Variants in ATP7A observed in about 807,000 individuals in gnomAD.
ATP7A encodes copper-transporting ATPase 1.
ATP7A carries 7 observed loss-of-function variants against 83.5 expected under a neutral mutation model. The observed-to-expected ratio is 0.08, with a 90% CI of 0.05 to 0.16. The LOEUF (loss-of-function observed/expected upper bound fraction) is 0.16. Ranked by LOEUF, ATP7A falls within the 10% of genes least tolerant of loss-of-function variation. ATP7A has a pLI of 1.00. For missense variants in ATP7A, 940 were observed against 1,120.8 expected (o/e 0.84, Z 2.30); for synonymous variants, 354 against 395.2 (o/e 0.90, Z 1.24).
Position 78,020,277 on chromosome X carries a change from G to A in ATP7A, c.2660G>A (p.Ser887Asn). 1 of 1,211,788 alleles carries A rather than the reference G, an allele frequency of 8.3e-7. No homozygotes were observed. Residue 887 changes from serine to asparagine, a missense_variant, in exon 13 of 23, where the codon AGC becomes AAC. Physicochemically the swap from Ser to Asn is conservative, Grantham distance 46 (BLOSUM62 1). This residue lies in a region of ATP7A where 386 missense variants were observed against 502.2 expected (regional missense o/e 0.77). Transcript: ENST00000341514. ...EAMPVAKKPG[S>N]TVIAGSINQN... is the part of the protein sequence containing the mutation. ...ATGCCTGTGGCTAAGAAACCTGGCA[G>A]CACAGTGATTGCTGGTTCCATTAAC...
intron 11 of ATP7A, 78 bp downstream of exon 11, chrX:78,014,831 A>G: frequency 2.7e-6 from 2 of 747,289 alleles, no homozygotes; most frequent in Non-Finnish European, 4.1e-6. Context: ...AAGTAGAAAA[A>G]GGACTATCAT....
intron 5 of ATP7A, among the ~76,000 whole-genome samples, chrX:78,002,029 C>A (rs782324460): frequency 4.6e-5 from 5 of 109,494 alleles, no homozygotes; most frequent in Non-Finnish European, 7.6e-5. Context: ...TTATTGGATT[C>A]TTTGCTACAA....
Position 77,989,500 on chromosome X carries a change from C to A in ATP7A, c.878C>A (p.Ser293Ter). Residue 293 changes from serine to a stop codon, truncating the protein, a stop_gained, in exon 4 of 23, where the codon TCA becomes TAA. Coordinates refer to ENST00000341514, the MANE Select transcript of ATP7A (RefSeq NM_000052.7). LOFTEE classifies it high-confidence loss of function. The part of the protein sequence containing the change: ...IDGMHCKSCV[S>*]NIESTLSALQ... ...GGCATGCATTGTAAATCATGTGTGTCAAATATTGAAAGTACTTTATCTGCA... is the reference window on the plus strand; with the variant it reads ...GGCATGCATTGTAAATCATGTGTGTAAAATATTGAAAGTACTTTATCTGCA... 1 of 1,211,410 alleles carries A rather than the reference C, an allele frequency of 8.3e-7. No individual in the cohort carries two copies. The highest frequency in any genetic ancestry group is 1.8e-5 in the South Asian group (1 of 56,980).
At chrX:78,036,133 T>C (rs1187373452) in intron 17 of ATP7A, among the ~76,000 whole-genome samples, 3 of 111,706 alleles carry the variant, frequency 2.7e-5, no homozygotes, top group Non-Finnish European at 5.6e-5. Context: ...TCTTATTTCA[T>C]GGAGCTTACA....
At chrX:77,964,605 TC>T (rs1557228469) in intron 1 of ATP7A, 1 of 109,190 alleles carries the variant, frequency 9.2e-6, no homozygotes, top group Non-Finnish European at 1.9e-5. Context: ...GTGTGATGCT[TC>T]CCTCCTTATG....
intron 4 of ATP7A, among the ~76,000 whole-genome samples, chrX:77,996,201 T>C (rs868946021): frequency 1.1e-4 from 12 of 111,803 alleles, no homozygotes; most frequent in South Asian, 3.6e-4. Context: ...TATATATATA[T>C]ACACACACAC....
chrX:77,931,410 C>T (rs1557224209), intron 1 of ATP7A, among the ~76,000 whole-genome samples: 3 of 112,094 alleles, frequency 2.7e-5, no homozygotes, highest in Non-Finnish European at 3.8e-5. Context: ...CCCATGTCTA[C>T]TTCTTTCTAC....
At chrX:77,984,592 G>T (rs1557231195) in intron 2 of ATP7A, among the ~76,000 whole-genome samples, 2 of 110,805 alleles carry the variant, frequency 1.8e-5, no homozygotes, top group African/African-American at 3.3e-5. Context: ...GCCTCAAACT[G>T]TGACCTCAAG....
rs2149107157 is a variant in ATP7A at position 78,033,636 on chromosome X, T to C, written c.3326T>C (p.Ile1109Thr). 2 of 1,211,866 alleles carry C rather than the reference T, an allele frequency of 1.7e-6. No individual in the cohort carries two copies. The highest frequency in any genetic ancestry group is 1.1e-6 in the Non-Finnish European group (1 of 895,444). The change falls in exon 17 of 23, where the codon ATA becomes ACA. Residue 1109 changes from isoleucine (I) to threonine (T), a missense_variant. Physicochemically the swap from Ile to Thr is moderately conservative, Grantham distance 89. Coordinates refer to ENST00000341514, the MANE Select transcript of ATP7A (RefSeq NM_000052.7). ...ELDTETLGTC[I>T]DFQVVPGCGI... The stretch of plus-strand genomic sequence containing the variant: ...GACACTGAAACCTTGGGTACCTGCA[T>C]AGATTTCCAGGTTGTGCCAGGCTGT...
At chrX:78,023,071 A>C (rs1321099219) in intron 14 of ATP7A, among the ~76,000 whole-genome samples, 1 of 111,573 alleles carries the variant, frequency 9.0e-6, no homozygotes, top group African/African-American at 3.3e-5. Flanking sequence ...ACGTTAACTC[A>C]CTTAGGATAA....
Position 78,009,106 on chromosome X carries a change from G to A in ATP7A, c.1712G>A (p.Arg571Lys). The A allele has an allele frequency of 8.3e-7, 1 of 1,210,198 alleles. No homozygotes were observed. The highest frequency in any genetic ancestry group is 1.1e-6 in the Non-Finnish European group (1 of 894,516). Residue 571 changes from arginine to lysine, a missense_variant, in exon 7 of 23, where the codon AGG (arginine) becomes AAG (lysine). Arg to Lys is a conservative substitution (Grantham distance 26, BLOSUM62 2). This residue lies in a region of ATP7A where 350 missense variants were observed against 432.8 expected (regional missense o/e 0.81). Coordinates refer to ENST00000341514, the MANE Select transcript of ATP7A (RefSeq NM_000052.7). ...CAAATGCTTTGTCTTTAACAGGTGA[G>A]GGGAATGACGTGTGCCTCCTGCGTA... ...EGDGVLELVV[R>K]GMTCASCVHK...
At chrX:77,958,788 T>G (rs1342531690) in intron 1 of ATP7A, among the ~76,000 whole-genome samples, 1 of 96,992 alleles carries the variant, frequency 1.0e-5, no homozygotes, top group African/African-American at 3.8e-5. Context: ...TTTTATAGTT[T>G]TTTTTTTTTT....
chrX:77,947,906 A>T (rs781850549), intron 1 of ATP7A, among the ~76,000 whole-genome samples: 2 of 103,980 alleles, frequency 1.9e-5, no homozygotes, highest in Non-Finnish European at 3.9e-5. Flanking sequence ...CACCCAGCTA[A>T]TTTTTTGTAT....
intron 2 of ATP7A, among the ~76,000 whole-genome samples, chrX:77,986,768 C>T (rs1417695037): frequency 9.0e-6 from 1 of 111,701 alleles, no homozygotes; most frequent in Non-Finnish European, 1.9e-5. Flanking sequence ...ACTACTTTTG[C>T]AATTGCAGTA....
chrX:78,027,475 A>G (rs1225351877), intron 14 of ATP7A, among the ~76,000 whole-genome samples: 1 of 111,872 alleles, frequency 8.9e-6, no homozygotes, highest in African/African-American at 3.2e-5. Flanking sequence ...ATGGAAAAAC[A>G]TTCCATGCCC....
intron 5 of ATP7A, among the ~76,000 whole-genome samples, chrX:77,999,088 C>T (rs908913658): frequency 1.5e-4 from 16 of 108,494 alleles, no homozygotes; most frequent in Non-Finnish European, 2.5e-4. Context: ...CCTCTGCCTC[C>T]TGGGTTCAAG....
chrX:78,019,880 C>G (rs2077893643), intron 12 of ATP7A, among the ~76,000 whole-genome samples: 1 of 111,163 alleles, frequency 9.0e-6, no homozygotes, highest in East Asian at 2.8e-4. Flanking sequence ...CTGGCACTGG[C>G]ACACTAAATC....
At chrX:77,936,144 C>G (rs1466857440) in intron 1 of ATP7A, among the ~76,000 whole-genome samples, 2 of 111,954 alleles carry the variant, frequency 1.8e-5, no homozygotes, top group Non-Finnish European at 3.8e-5. Flanking sequence ...AATATAGTAT[C>G]TTCCTCATAG....
chrX:78,009,309 A>G, intron 7 of ATP7A, 46 bp downstream of exon 7: 4 of 1,159,849 alleles, frequency 3.4e-6, no homozygotes, highest in Middle Eastern at 2.4e-4. Flanking sequence ...CTATTTAATC[A>G]GCACTCCCGT....
Sources: allele counts gnomAD v4.1 joint callset (sites outside exome capture counted in the v4.1 genomes callset), GRCh38; gene constraint gnomAD v4.1.1; regional missense constraint gnomAD v4.1.1; transcripts MANE v1.5; gene names NCBI Gene and HGNC (gene_info 2026-07-23, HGNC 2026-07-21).